WWOX: variants seen among roughly 807,000 people sequenced by gnomAD.
The protein encoded by WWOX is WW domain containing oxidoreductase, also known as WW domain-containing oxidoreductase.
WWOX carries 69 observed loss-of-function variants against 46.2 expected under a neutral mutation model. The observed-to-expected ratio is 1.49, with a 90% CI of 1.23 to 1.82. The LOEUF (loss-of-function observed/expected upper bound fraction) is 1.82. Ranked by LOEUF, WWOX falls within the 40% of genes most tolerant of loss-of-function variation. The pLI is 0.00. For missense variants in WWOX, 919 were observed against 542.6 expected (o/e 1.69, Z -6.89); for synonymous variants, 359 against 202.6 (o/e 1.77, Z -6.56).
chr16:79,202,179 G>A (rs1166745952), intron 8 of WWOX, among the ~76,000 whole-genome samples: 1 of 152,166 alleles, frequency 6.6e-6, no homozygotes, highest in Non-Finnish European at 1.5e-5. Flanking sequence ...ATGGGCCACA[G>A]AGCCTAAATT....
chr16:78,512,042 C>T (rs2085374623), intron 8 of WWOX, among the ~76,000 whole-genome samples: 1 of 152,174 alleles, frequency 6.6e-6, no homozygotes, highest in Non-Finnish European at 1.5e-5. Flanking sequence ...GTTTTAGAGA[C>T]ACTGGCTTCA....
intron 8 of WWOX, among the ~76,000 whole-genome samples, chr16:78,887,663 A>G (rs1183514840): frequency 6.6e-6 from 1 of 152,180 alleles, no homozygotes; most frequent in Non-Finnish European, 1.5e-5. Flanking sequence ...TGGATTCCAT[A>G]AAATAGTGCA....
At chr16:79,193,041 C>G (rs2051168242) in intron 8 of WWOX, among the ~76,000 whole-genome samples, 1 of 152,244 alleles carries the variant, frequency 6.6e-6, no homozygotes, top group East Asian at 1.9e-4. Flanking sequence ...TGGCTGTGAA[C>G]TGCCAAAGAG....
chr16:78,537,501 C>G (rs2043787585), intron 8 of WWOX, among the ~76,000 whole-genome samples: 1 of 152,164 alleles, frequency 6.6e-6, no homozygotes, highest in African/African-American at 2.4e-5. Context: ...TCGTTTTCAT[C>G]ATTATCATAT....
At chr16:78,271,999 C>G (rs1320900916) in intron 5 of WWOX, among the ~76,000 whole-genome samples, 1 of 152,320 alleles carries the variant, frequency 6.6e-6, no homozygotes, top group East Asian at 1.9e-4. Context: ...CAGGAGACTA[C>G]AGATAAGTCA....
chr16:78,331,541 C>G (rs1035031530), intron 5 of WWOX, among the ~76,000 whole-genome samples: 2 of 152,122 alleles, frequency 1.3e-5, no homozygotes, highest in Non-Finnish European at 2.9e-5. Context: ...TGTATAGGTA[C>G]AAAGGTGTAA....
At chr16:78,189,062 T>C (rs1270502649) in intron 5 of WWOX, among the ~76,000 whole-genome samples, 4 of 152,096 alleles carry the variant, frequency 2.6e-5, no homozygotes, top group Non-Finnish European at 5.9e-5. Context: ...CTGTTGAAGC[T>C]GGTGTTTGAT....
intron 8 of WWOX, among the ~76,000 whole-genome samples, chr16:78,685,887 G>T (rs2047844105): frequency 7.9e-6 from 1 of 126,362 alleles, no homozygotes; most frequent in Admixed American, 9.2e-5. Context: ...GAAAGAGAGA[G>T]AGAGGAAAAA....
chr16:78,227,720 T>G (rs1308854016), intron 5 of WWOX, among the ~76,000 whole-genome samples: 1 of 151,832 alleles, frequency 6.6e-6, no homozygotes, highest in Non-Finnish European at 1.5e-5. Flanking sequence ...CTACTAAAAA[T>G]ACAAAAATTA....
At chr16:78,731,753 C>G (rs1000345887) in intron 8 of WWOX, among the ~76,000 whole-genome samples, 2 of 152,036 alleles carry the variant, frequency 1.3e-5, no homozygotes, top group East Asian at 1.9e-4. Context: ...GGCAGTAGTT[C>G]CCTGTCATGA....
At chr16:78,875,959 G>C (rs920893850) in intron 8 of WWOX, among the ~76,000 whole-genome samples, 5 of 152,006 alleles carry the variant, frequency 3.3e-5, no homozygotes, top group African/African-American at 7.2e-5. Context: ...CCCTTATCTA[G>C]TCCTACAGAT....
intron 8 of WWOX, among the ~76,000 whole-genome samples, chr16:79,128,756 C>T (rs1378532781): frequency 1.3e-5 from 2 of 152,194 alleles, no homozygotes; most frequent in African/African-American, 4.8e-5. Flanking sequence ...CAGTAGGATT[C>T]AATCTGAAGT....
At chr16:79,044,282 C>T (rs1434998277) in intron 8 of WWOX, among the ~76,000 whole-genome samples, 20 of 152,122 alleles carry the variant, frequency 1.3e-4, no homozygotes, top group Non-Finnish European at 2.8e-4. Context: ...AGCTGGCGGT[C>T]TGATACAGCT....
chr16:78,472,531 G>A (rs1401469543), intron 8 of WWOX, among the ~76,000 whole-genome samples: 3 of 152,038 alleles, frequency 2.0e-5, no homozygotes, highest in African/African-American at 7.2e-5. Context: ...ATGATGAGCC[G>A]GGCACAGTGG....
At chr16:78,875,042 A>C (rs1232032451) in intron 8 of WWOX, among the ~76,000 whole-genome samples, 2 of 152,102 alleles carry the variant, frequency 1.3e-5, no homozygotes, top group African/African-American at 2.4e-5. Flanking sequence ...TGAGAAAGTT[A>C]CTATTTCATT....
chr16:79,163,336 G>A (rs1012960690), intron 8 of WWOX, among the ~76,000 whole-genome samples: 2 of 152,080 alleles, frequency 1.3e-5, no homozygotes, highest in East Asian at 1.9e-4. Context: ...CTAACTGGGG[G>A]GTCTTGAGGA....
intron 8 of WWOX, among the ~76,000 whole-genome samples, chr16:78,996,827 G>A (rs190590305): frequency 9.2e-5 from 14 of 152,262 alleles, no homozygotes; most frequent in African/African-American, 2.6e-4. Flanking sequence ...TAGAGCCATC[G>A]CTTGCAGAAC....
intron 8 of WWOX, among the ~76,000 whole-genome samples, chr16:78,486,585 G>GTTTTGTTTTCTTTTC (rs78209263): frequency 1.3e-5 from 2 of 151,246 alleles, no homozygotes; most frequent in African/African-American, 4.9e-5. Context: ...GTTTTGTTTT[G>GTTTTGTTTTCTTTTC]TTTTGTTTTG....
chr16:78,614,785 G>A (rs74864113), intron 8 of WWOX, among the ~76,000 whole-genome samples: 1 of 152,132 alleles, frequency 6.6e-6, no homozygotes, highest in Non-Finnish European at 1.5e-5. Flanking sequence ...TTTTGTTTTG[G>A]TTTTTAAATG....
Sources: gnomAD v4.1 joint callset for allele counts (sites outside exome capture counted in the v4.1 genomes callset) on GRCh38, gnomAD v4.1.1 for gene constraint, MANE v1.5 for transcripts, NCBI Gene and HGNC (gene_info 2026-07-23, HGNC 2026-07-21) for gene names.